HSP90AA1: variants seen among roughly 807,000 people sequenced by gnomAD.
HSP90AA1 encodes the protein heat shock protein HSP 90-alpha.
HSP90AA1 carries 18 observed loss-of-function variants against 73.3 expected under a neutral mutation model. The ratio of observed to expected loss-of-function variants is 0.25; its 90% CI spans 0.17 to 0.36. HSP90AA1 has a LOEUF of 0.36. Among genes scored for constraint, HSP90AA1 ranks in the 10% least tolerant of loss-of-function variants. The pLI is 1.00. For synonymous variants in HSP90AA1, 477 were observed against 296.9 expected (o/e 1.61, Z -6.24); for missense variants, 704 against 874.2 (o/e 0.81, Z 2.45).
At position 102,128,673 on chromosome 14, in the gene HSP90AA1, A is replaced by G. The variant is rs954036412; in HGVS notation, c.155+10577T>C. Among the ~76,000 whole-genome samples the G allele has an allele frequency of 3.3e-5, 5 of 150,244 alleles. No individual in the cohort carries two copies. The South Asian group carries it at 8.4e-4, about 25-fold the overall frequency. ...AAAAATTAGCCGGGTGTGATGGTGC[A>G]TGCCTGTAGTACCAGCTACTCAGGA... is the stretch of plus-strand genomic sequence containing the variant. On this transcript the variant is annotated intron_variant, in intron 1 of 11. Coordinates refer to the HSP90AA1 transcript ENST00000334701.
upstream of HSP90AA1, among the ~76,000 whole-genome samples, chr14:102,087,406 C>T (rs1294291726): frequency 2.6e-5 from 4 of 151,646 alleles, no homozygotes; most frequent in African/African-American, 9.7e-5. Context: ...GGGCGGAGGG[C>T]ACGCCCGGGC....
In HSP90AA1 at chr14:102,085,514, T is replaced by C. The variant is rs912957074; in HGVS notation, c.530-83A>G. On this transcript the variant is annotated intron_variant, in intron 3 of 10. Transcript: ENST00000216281. ...GCCTAACACCCTTATAACGTGTCTA[T>C]AAAGCAAGGTTTGCCGTTACTACAG... is the stretch of plus-strand genomic sequence containing the variant. 5.0e-6 allele frequency: 7 copies of C among 1,396,284 alleles called. No individual in the cohort carries two copies. The African/African-American group carries it at 7.1e-5, about 14-fold the overall frequency. 86.5% of individuals were successfully genotyped at this position (1,396,284 alleles called of 1,614,324 possible).
chr14:102,129,769 C>T (rs778315146), intron 1 of HSP90AA1, among the ~76,000 whole-genome samples: 17 of 151,342 alleles, frequency 1.1e-4, no homozygotes, highest in Non-Finnish European at 1.3e-4. Context: ...TCCCAAAGTG[C>T]TGGGATTACA....
At chr14:102,083,718 A>C (rs745788359) in intron 7 of HSP90AA1, 25 bp from the exon 8 acceptor site, 1 of 1,603,576 alleles carries the variant, frequency 6.2e-7, no homozygotes, top group Admixed American at 1.7e-5. Context: ...GTTCTTTACA[A>C]AGACTTTCTG....
intron 2 of HSP90AA1, among the ~76,000 whole-genome samples, chr14:102,093,520 GAC>G (rs1319388962): frequency 1.3e-5 from 2 of 151,614 alleles, no homozygotes; most frequent in African/African-American, 2.4e-5. Context: ...ATTTCTTGGA[GAC>G]ACAGTTTCCG....
intron 1 of HSP90AA1, among the ~76,000 whole-genome samples, chr14:102,104,381 T>C (rs896378655): frequency 6.6e-6 from 1 of 152,024 alleles, no homozygotes; most frequent in African/African-American, 2.4e-5. Context: ...GGCTAATTTT[T>C]TTTGTATTTT....
chr14:102,104,040 CAAA>C (rs751778522), intron 1 of HSP90AA1, among the ~76,000 whole-genome samples: 4 of 77,496 alleles, frequency 5.2e-5, no homozygotes, highest in Non-Finnish European at 8.1e-5. Context: ...AATTCTGTCT[CAAA>C]AAAAAAAAAA....
intron 9 of HSP90AA1, chr14:102,082,669 G>C (rs2049126185): frequency 3.6e-6 from 2 of 561,518 alleles, no homozygotes; most frequent in East Asian, 6.4e-5. Flanking sequence ...CACCCAGGCT[G>C]GAGTGCAGTG....
intron 1 of HSP90AA1, among the ~76,000 whole-genome samples, chr14:102,125,707 T>C (rs1436381305): frequency 2.0e-5 from 3 of 152,218 alleles, no homozygotes; most frequent in Non-Finnish European, 4.4e-5. Context: ...TTTTTAAGTC[T>C]GTGAACTGCA....
intron 1 of HSP90AA1, among the ~76,000 whole-genome samples, chr14:102,109,216 G>A (rs973609086): frequency 9.2e-5 from 14 of 152,110 alleles, no homozygotes; most frequent in South Asian, 2.1e-4. Context: ...TACACAATAC[G>A]TACTCTCATG....
At chr14:102,135,449 C>T (rs1277545235) in intron 1 of HSP90AA1, among the ~76,000 whole-genome samples, 1 of 152,294 alleles carries the variant, frequency 6.6e-6, no homozygotes, top group East Asian at 1.9e-4. Context: ...GCTGCCTTCA[C>T]CTAGTGGATC....
At chr14:102,122,852 G>A (rs2049797278) in intron 1 of HSP90AA1, among the ~76,000 whole-genome samples, 2 of 150,674 alleles carry the variant, frequency 1.3e-5, no homozygotes, top group Admixed American at 1.3e-4. Context: ...ATTTTTAGTA[G>A]AGACGGGGTT....
intron 1 of HSP90AA1, among the ~76,000 whole-genome samples, chr14:102,124,190 A>T (rs970773536): frequency 2.3e-5 from 3 of 128,118 alleles, no homozygotes; most frequent in African/African-American, 5.9e-5. Flanking sequence ...TTGAATGCTA[A>T]TTTTTTTTTT....
intron 10 of HSP90AA1, 23 bp from the exon 11 acceptor site, chr14:102,081,844 A>T: frequency 8.9e-7 from 1 of 1,119,790 alleles, no homozygotes; most frequent in Non-Finnish European, 1.4e-6. Flanking sequence ...TAAAATCCTC[A>T]TATTACAAAG....
At chr14:102,085,691 G>GGTGC in intron 3 of HSP90AA1, 67 bp downstream of exon 3, 1 of 1,607,382 alleles carries the variant, frequency 6.2e-7, no homozygotes, top group East Asian at 2.2e-5. Flanking sequence ...GCATCCCCAG[G>GGTGC]GGTCCAAGGG....
rs768997356 is a variant in HSP90AA1 at position 102,085,775 on chromosome 14, G to A, written c.512C>T (p.Thr171Ile). The A allele has an allele frequency of 1.9e-6, 3 of 1,613,974 alleles. No homozygotes were observed. Among genetic ancestry groups the A allele is most frequent in the Admixed American group, 1.7e-5 (1 of 60,008 alleles). ...GTGCCTACCTGTGTCTGTCCTCACT[G>A]TGAATGATCCCCCTGCTGAGGACTC... ...AWESSAGGSF[T>I]VRTDTGEPMG... is the part of the protein sequence containing the mutation. Residue 171 changes from threonine (T) to isoleucine (I), a missense_variant, in exon 3 of 11, where the codon ACA becomes ATA. Thr to Ile is a moderately conservative substitution (Grantham distance 89). Transcript: ENST00000216281.
chr14:102,081,777 C>A lies in HSP90AA1; in HGVS notation c.2134G>T (p.Val712Leu). 1 of 1,592,996 alleles carries A rather than the reference C, an allele frequency of 6.3e-7. No homozygotes were observed. The highest frequency in any genetic ancestry group is 8.6e-7 in the Non-Finnish European group (1 of 1,160,760). The change falls in exon 11 of 11, where the codon GTA becomes TTA. Residue 712 changes from valine (V) to leucine (L), a missense_variant. Transcript: ENST00000216281. ...TCAAGGGGTGGCATTTCTTCAGTTA[C>A]AGCAGCACTGGTATCATCAGCAGTA... ...DPTADDTSAAVTEEMPPLEGD... is the reference protein window; with the variant it reads ...DPTADDTSAALTEEMPPLEGD...
chr14:102,091,182 G>C (rs1282759713), upstream of HSP90AA1, among the ~76,000 whole-genome samples: 1 of 152,120 alleles, frequency 6.6e-6, no homozygotes, highest in Admixed American at 6.6e-5. Flanking sequence ...TAGTCCTCTC[G>C]ACTCTGAAGT....
chr14:102,125,002 AT>A (rs1046855287), intron 1 of HSP90AA1, among the ~76,000 whole-genome samples: 1 of 151,992 alleles, frequency 6.6e-6, no homozygotes, highest in Non-Finnish European at 1.5e-5. Flanking sequence ...ATCTTTATTT[AT>A]TTTTTTGAGA....
Sources: gnomAD v4.1 joint callset for allele counts (sites outside exome capture counted in the v4.1 genomes callset) on GRCh38, gnomAD v4.1.1 for gene constraint, MANE v1.5 for transcripts, NCBI Gene and HGNC (gene_info 2026-07-23, HGNC 2026-07-21) for gene names.